ADGRV1: variants seen among roughly 807,000 people sequenced by gnomAD.
The protein encoded by ADGRV1 is adhesion G protein-coupled receptor V1, also known as G-protein coupled receptor 98.
Under a neutral mutation model 596.2 loss-of-function variants are expected in ADGRV1, and 359 were observed. The ratio of observed to expected loss-of-function variants is 0.60; its 90% confidence interval spans 0.55 to 0.66. The LOEUF (loss-of-function observed/expected upper bound fraction) is 0.66. ADGRV1 is among the 30% of genes least tolerant of loss of function. ADGRV1 has a pLI of 0.00. For missense variants in ADGRV1, 7,274 were observed against 7,575.6 expected (o/e 0.96, Z 1.48); for synonymous variants, 2,681 against 2,679.2 (o/e 1.00, Z -0.02).
intron 85 of ADGRV1, among the ~76,000 whole-genome samples, chr5:91,064,469 G>C (rs964860941): frequency 1.3e-5 from 2 of 152,204 alleles, no homozygotes; most frequent in African/African-American, 4.8e-5. Flanking sequence ...CACAGTAAAT[G>C]ATTGCTAGCA....
chr5:90,948,320 C>T (rs772622684), intron 83 of ADGRV1, among the ~76,000 whole-genome samples: 4 of 151,854 alleles, frequency 2.6e-5, no homozygotes, highest in Admixed American at 2.0e-4. Context: ...CCAAGCAGTG[C>T]GAGTAGGATG....
At chr5:91,082,767 A>C (rs756975767) in intron 86 of ADGRV1, among the ~76,000 whole-genome samples, 10 of 152,178 alleles carry the variant, frequency 6.6e-5, no homozygotes, top group African/African-American at 9.7e-5. Context: ...GTTGGTATCA[A>C]CATGGTGATA....
chr5:90,828,652 C>T (rs1764262254), intron 76 of ADGRV1, among the ~76,000 whole-genome samples: 2 of 152,112 alleles, frequency 1.3e-5, no homozygotes, highest in South Asian at 2.1e-4. Context: ...GGTATGAATA[C>T]ATTTAATTTA....
chr5:90,970,107 C>G lies in ADGRV1; in HGVS notation c.17973+4576C>G, dbSNP rs1581664411. ...GTGCCTGGCTCGGAGGGTCCCACGCCCACGGAGCCTCACTCATTGCTAGCA... is the reference window on the plus strand; with the variant it reads ...GTGCCTGGCTCGGAGGGTCCCACGCGCACGGAGCCTCACTCATTGCTAGCA... On this transcript the variant is annotated intron_variant, in intron 84 of 89. Transcript: ENST00000405460. Among the ~76,000 whole-genome samples the G allele has an allele frequency of 3.3e-5, 5 of 152,368 alleles. No homozygotes were observed. In the East Asian group the frequency reaches 7.7e-4, roughly 24 times the overall value.
intron 86 of ADGRV1, among the ~76,000 whole-genome samples, chr5:91,097,472 A>G (rs1790974434): frequency 6.6e-6 from 1 of 152,242 alleles, no homozygotes; most frequent in Non-Finnish European, 1.5e-5. Context: ...TTATCTATTC[A>G]TCTGTTGATG....
chr5:90,739,698 G>A (rs1234835130), intron 50 of ADGRV1, among the ~76,000 whole-genome samples: 1 of 152,182 alleles, frequency 6.6e-6, no homozygotes, highest in Non-Finnish European at 1.5e-5. Flanking sequence ...GCTGGATAGT[G>A]CTGTGGTTTG....
At chr5:90,896,267 G>T (rs1286758715) in intron 83 of ADGRV1, among the ~76,000 whole-genome samples, 16 of 84,870 alleles carry the variant, frequency 1.9e-4, no homozygotes, top group African/African-American at 4.8e-4. Flanking sequence ...GTGACCAGTG[G>T]TTTTTTTTTT....
chr5:90,562,049 G>C (rs1053276280), intron 1 of ADGRV1, among the ~76,000 whole-genome samples: 1 of 152,136 alleles, frequency 6.6e-6, no homozygotes, highest in African/African-American at 2.4e-5. Context: ...TAAAGGTTTT[G>C]GTGAACAGCC....
intron 21 of ADGRV1, among the ~76,000 whole-genome samples, chr5:90,670,573 G>A (rs1772314811): frequency 6.6e-6 from 1 of 152,126 alleles, no homozygotes; most frequent in Admixed American, 6.5e-5. Flanking sequence ...AAATCAGAGT[G>A]AGGCTCTGTT....
intron 75 of ADGRV1, among the ~76,000 whole-genome samples, chr5:90,820,576 G>A (rs954945715): frequency 7.2e-5 from 11 of 151,748 alleles, no homozygotes; most frequent in Non-Finnish European, 1.0e-4. Context: ...TCCATGTTTA[G>A]TGCTTGCTTC....
intron 1 of ADGRV1, among the ~76,000 whole-genome samples, chr5:90,562,243 A>G (rs754184674): frequency 6.6e-5 from 10 of 152,250 alleles, no homozygotes; most frequent in Non-Finnish European, 1.2e-4. Flanking sequence ...CTAATAAACT[A>G]GAGTCTACTC....
Position 90,806,947 on chromosome 5 carries a change from G to A in ADGRV1, c.14837-655G>A, listed in dbSNP as rs918470932. 3.3e-5 allele frequency among the ~76,000 whole-genome samples: 5 copies of A among 151,838 alleles called. No homozygotes were observed. In the East Asian group the frequency reaches 7.7e-4, roughly 23 times the overall value. ...AACTCACTGCAACCTCCACCTCCCG[G>A]GCTCAAGGTATTCTCCTGCCTCAGC... On this transcript the variant is annotated intron_variant, in intron 72 of 89. Coordinates refer to ENST00000405460, the MANE Select transcript of ADGRV1 (RefSeq NM_032119.4).
Position 90,653,885 on chromosome 5 carries a change from A to G in ADGRV1, c.4311A>G (p.Glu1437=), listed in dbSNP as rs2149468715. ...LLIILEDGII[E]FYLDGNAMPR... ...TTATCCTGGAGGATGGTATAATCGA[A>G]TTCTACCTGGATGGAAATGCAATGC... Residue 1437 remains glutamate (E), a synonymous_variant, in exon 20 of 90, where the codon GAA becomes GAG. Coordinates refer to ENST00000405460, the MANE Select transcript of ADGRV1 (RefSeq NM_032119.4). 6.9e-6 allele frequency: 11 copies of G among 1,594,978 alleles called. No homozygotes were observed. Among genetic ancestry groups the G allele is most frequent in the Non-Finnish European group, 9.4e-6 (11 of 1,169,942 alleles).
chr5:90,933,117 ATCAATTCATTCAC>A, intron 83 of ADGRV1, among the ~76,000 whole-genome samples: 1 of 152,348 alleles, frequency 6.6e-6, no homozygotes, highest in Middle Eastern at 3.4e-3. Context: ...ACCTGGTCCC[ATCAATTCATTCAC>A]TTATTGAGTG....
chr5:91,024,423 G>A (rs562194668), intron 85 of ADGRV1, among the ~76,000 whole-genome samples: 46 of 152,060 alleles, frequency 3.0e-4, no homozygotes, highest in Non-Finnish European at 5.1e-4. Flanking sequence ...CCAACATTTA[G>A]GATTTGAAAA....
intron 87 of ADGRV1, among the ~76,000 whole-genome samples, chr5:91,109,220 T>C (rs189935589): frequency 6.6e-6 from 1 of 152,338 alleles, no homozygotes; most frequent in Admixed American, 6.5e-5. Context: ...TATTGGTCTA[T>C]CCTTATTATT....
At chr5:90,943,230 T>A (rs1250691360) in intron 83 of ADGRV1, among the ~76,000 whole-genome samples, 2 of 8,478 alleles carry the variant, frequency 2.4e-4, no homozygotes, top group Admixed American at 1.8e-3. Flanking sequence ...AATTGAACAG[T>A]AAGGGGTGGG....
intron 33 of ADGRV1, among the ~76,000 whole-genome samples, chr5:90,696,422 T>C (rs1747203752): frequency 6.6e-6 from 1 of 152,158 alleles, no homozygotes; most frequent in Non-Finnish European, 1.5e-5. Context: ...TTAGGCTGGT[T>C]CTTTTGCTCA....
rs77565466 is a variant in ADGRV1 at position 91,082,672 on chromosome 5, A to G, written c.18310+10068A>G. Among the ~76,000 whole-genome samples, 25 of 152,246 alleles carry G rather than the reference A, an allele frequency of 1.6e-4. No individual in the cohort carries two copies. The East Asian group carries it at 4.6e-3, about 28-fold the overall frequency. The stretch of plus-strand genomic sequence containing the variant: ...TAAAACTTGACTAGAGAGTAGAAAA[A>G]ATTTTTGAGGCTGTTTTATCTTGGA... On this transcript the variant is annotated intron_variant, in intron 86 of 89. Transcript: ENST00000405460.
Sources: allele counts gnomAD v4.1 joint callset (sites outside exome capture counted in the v4.1 genomes callset), GRCh38; gene constraint gnomAD v4.1.1; transcripts MANE v1.5; gene names NCBI Gene and HGNC (gene_info 2026-07-23, HGNC 2026-07-21).